ANOS1: variants seen among roughly 807,000 people sequenced by gnomAD.
The protein encoded by ANOS1 is anosmin-1.
ANOS1 carries 6 observed loss-of-function variants against 59.0 expected under a neutral mutation model. That is an observed-to-expected ratio of 0.10 (90% CI 0.06 to 0.20). ANOS1 has a LOEUF of 0.20. Ranked by LOEUF, ANOS1 falls within the 10% of genes least tolerant of loss-of-function variation. ANOS1 has a pLI of 1.00. For synonymous variants in ANOS1, 217 were observed against 223.4 expected (o/e 0.97, Z 0.25); for missense variants, 433 against 542.3 (o/e 0.80, Z 2.00).
chrX:8,609,951 G>T (rs1168545460), intron 3 of ANOS1, among the ~76,000 whole-genome samples: 1 of 90,577 alleles, frequency 1.1e-5, no homozygotes, highest in South Asian at 6.1e-4. Flanking sequence ...AGCTTGCAGT[G>T]AGCCCAGATT....
intron 6 of ANOS1, among the ~76,000 whole-genome samples, chrX:8,582,375 T>C (rs1930440756): frequency 8.9e-6 from 1 of 111,765 alleles, no homozygotes; most frequent in Admixed American, 9.5e-5. Context: ...CAGGACCAGG[T>C]AAATGCCAAT....
intron 1 of ANOS1, among the ~76,000 whole-genome samples, chrX:8,719,097 A>G (rs777080046): frequency 8.9e-6 from 1 of 112,191 alleles, no homozygotes; most frequent in Non-Finnish European, 1.9e-5. Context: ...TGGATTTGTT[A>G]TAACAACACT....
Position 8,532,272 on chromosome X carries a change from C to T in ANOS1, c.*723G>A, listed in dbSNP as rs1369348510. On this transcript the variant is annotated 3_prime_UTR_variant, in exon 14 of 14. Transcript: ENST00000262648. Reference sequence around the variant, plus strand: ...CATAATAGGATCAAATATTAAAAGGCATCCCCAAGAAATAATTTTCATTTC... The same window carrying T: ...CATAATAGGATCAAATATTAAAAGGTATCCCCAAGAAATAATTTTCATTTC... 8.9e-6 allele frequency: 1 copy of T among 111,794 alleles called. No homozygotes were observed. Among genetic ancestry groups the T allele is most frequent in the Non-Finnish European group, 1.9e-5 (1 of 53,148 alleles). 9.2% of individuals were successfully genotyped at this position (111,794 alleles called of 1,213,427 possible).
intron 2 of ANOS1, among the ~76,000 whole-genome samples, chrX:8,628,642 A>G (rs753055618): frequency 4.5e-5 from 5 of 112,284 alleles, no homozygotes; most frequent in Non-Finnish European, 7.5e-5. Context: ...CGCCATGATC[A>G]TGTACTGCCT....
intron 6 of ANOS1, 37 bp downstream of exon 6, chrX:8,585,230 A>G (rs1225425990): frequency 8.4e-7 from 1 of 1,194,658 alleles, no homozygotes; most frequent in Admixed American, 2.2e-5. Context: ...GGTAGCAAGG[A>G]TAGTATTCTG....
chrX:8,621,643 T>C (rs1168013699), intron 3 of ANOS1, among the ~76,000 whole-genome samples: 1 of 112,395 alleles, frequency 8.9e-6, no homozygotes, highest in Non-Finnish European at 1.9e-5. Flanking sequence ...ACATTCATTA[T>C]CTATTTTAAT....
intron 6 of ANOS1, among the ~76,000 whole-genome samples, chrX:8,582,635 G>A (rs935038272): frequency 2.2e-4 from 25 of 111,285 alleles, no homozygotes; most frequent in Non-Finnish European, 3.8e-5. Context: ...AGGTGGCTGC[G>A]TTGAGAGAGG....
chrX:8,532,473 C>T lies in ANOS1; in HGVS notation c.*522G>A, dbSNP rs1929515551. 1 of 112,407 alleles carries T rather than the reference C, an allele frequency of 8.9e-6. No homozygotes were observed. The highest frequency in any genetic ancestry group is 3.7e-4 in the South Asian group (1 of 2,718). 9.3% of individuals were successfully genotyped at this position (112,407 alleles called of 1,213,427 possible). On this transcript the variant is annotated 3_prime_UTR_variant, in exon 14 of 14. Transcript: ENST00000262648. ...ATTCGCTGGTATATTTTAGATTACACATTTTCATTTAAAAATCACCTAGGA... is the reference window on the plus strand; with the variant it reads ...ATTCGCTGGTATATTTTAGATTACATATTTTCATTTAAAAATCACCTAGGA...
chrX:8,596,455 T>C (rs1045035964), intron 4 of ANOS1, among the ~76,000 whole-genome samples: 1 of 112,264 alleles, frequency 8.9e-6, no homozygotes, highest in African/African-American at 3.2e-5. Flanking sequence ...AGGAGCTAAG[T>C]GCTCTAGAAA....
At chrX:8,555,213 G>T (rs1418556047) in intron 8 of ANOS1, among the ~76,000 whole-genome samples, 1 of 111,591 alleles carries the variant, frequency 9.0e-6, no homozygotes, top group African/African-American at 3.3e-5. Flanking sequence ...CAGAATCACT[G>T]GGACACAGCT....
chrX:8,587,949 G>C lies in ANOS1; in HGVS notation c.571C>G (p.Arg191Gly), dbSNP rs371599938. 5.8e-6 allele frequency: 7 copies of C among 1,207,634 alleles called. No individual in the cohort carries two copies. In the African/African-American group the frequency reaches 8.8e-5, roughly 15 times the overall value. Residue 191 changes from arginine to glycine, a missense_variant, in exon 5 of 14, where the codon CGA becomes GGA. Coordinates refer to ENST00000262648, the MANE Select transcript of ANOS1 (RefSeq NM_000216.4). Reference protein sequence around the residue: ...GVPLKPRKELRFTELQSGQLE... With the variant: ...GVPLKPRKELGFTELQSGQLE... The stretch of plus-strand genomic sequence containing the variant: ...TGTCCAGACTGCAGTTCTGTAAATC[G>C]TAACTCTTTTCTGGGCTTCAGGGGG...
chrX:8,679,898 G>A (rs985138771), intron 2 of ANOS1, among the ~76,000 whole-genome samples: 1 of 110,773 alleles, frequency 9.0e-6, no homozygotes, highest in Non-Finnish European at 1.9e-5. Context: ...GAATACTGAA[G>A]CTCAGTAATC....
chrX:8,655,065 G>A (rs1931910100), intron 2 of ANOS1, among the ~76,000 whole-genome samples: 1 of 111,078 alleles, frequency 9.0e-6, no homozygotes, highest in Admixed American at 9.6e-5. Flanking sequence ...TGGACTGGGT[G>A]AGGAGGAGGA....
intron 1 of ANOS1, among the ~76,000 whole-genome samples, chrX:8,716,038 C>T (rs1029014113): frequency 1.8e-5 from 2 of 111,062 alleles, no homozygotes; most frequent in East Asian, 2.8e-4. Flanking sequence ...GCAGCACCAC[C>T]GTCAAAATGG....
intron 2 of ANOS1, among the ~76,000 whole-genome samples, chrX:8,687,212 G>C: frequency 2.7e-5 from 3 of 111,000 alleles, no homozygotes; most frequent in Middle Eastern, 4.6e-3. Context: ...TAGAGCACCT[G>C]GAAGTGATAC....
At position 8,661,751 on chromosome X, in the gene ANOS1, T is replaced by C. The variant is rs73465364; in HGVS notation, c.255+37947A>G. The stretch of plus-strand genomic sequence containing the variant: ...TGTGGTCCTTGCCCCCTGATGGTCC[T>C]GGGCAAGCACAGTTGATCACAATCC... On this transcript the variant is annotated intron_variant, in intron 2 of 13. Coordinates refer to ENST00000262648, the MANE Select transcript of ANOS1 (RefSeq NM_000216.4). 8.9e-4 allele frequency among the ~76,000 whole-genome samples: 100 copies of C among 112,082 alleles called. 1 individual carries two copies. Among genetic ancestry groups the C allele is most frequent in the African/African-American group, 3.1e-3 (97 of 30,822 alleles).
At chrX:8,554,150 C>T (rs1453515456) in intron 8 of ANOS1, 52 bp from the exon 9 acceptor site, 1 of 1,057,617 alleles carries the variant, frequency 9.5e-7, no homozygotes, top group East Asian at 3.1e-5. Context: ...ATTATAGATT[C>T]CTGGGCAAGA....
intron 12 of ANOS1, chrX:8,535,272 T>G (rs1929569905): frequency 3.6e-6 from 1 of 278,780 alleles, no homozygotes; most frequent in Admixed American, 5.7e-5. Flanking sequence ...GCATGTTCAC[T>G]TGGACCAGAG....
intron 2 of ANOS1, among the ~76,000 whole-genome samples, chrX:8,655,197 C>T (rs1931912155): frequency 9.0e-6 from 1 of 111,351 alleles, no homozygotes; most frequent in South Asian, 3.8e-4. Context: ...TCAGTGTGAG[C>T]CCTGAGCTTG....
Sources: allele counts gnomAD v4.1 joint callset (sites outside exome capture counted in the v4.1 genomes callset), GRCh38; gene constraint gnomAD v4.1.1; transcripts MANE v1.5; gene names NCBI Gene and HGNC (gene_info 2026-07-23, HGNC 2026-07-21).